Variants in PRKACB observed in about 807,000 individuals in gnomAD.
The protein encoded by PRKACB is protein kinase cAMP-activated catalytic subunit beta.
Under a neutral mutation model 51.4 loss-of-function variants are expected in PRKACB, and 16 were observed. The ratio of observed to expected loss-of-function variants is 0.31; its 90% CI spans 0.21 to 0.47. The LOEUF is 0.47. PRKACB is among the 20% of genes least tolerant of loss of function. The pLI is 1.00. For synonymous variants in PRKACB, 147 were observed against 154.4 expected (o/e 0.95, Z 0.35); for missense variants, 309 against 464.5 (o/e 0.67, Z 3.08).
At chr1:84,129,433 A>G (rs1651949940) in intron 1 of PRKACB, among the ~76,000 whole-genome samples, 1 of 152,152 alleles carries the variant, frequency 6.6e-6, no homozygotes, top group Admixed American at 6.5e-5. Flanking sequence ...TTGTATAAAA[A>G]TTACATTTTT....
intron 1 of PRKACB, among the ~76,000 whole-genome samples, chr1:84,157,653 A>C (rs1028809274): frequency 6.6e-6 from 1 of 152,122 alleles, no homozygotes; most frequent in African/African-American, 2.4e-5. Context: ...ATTATATAAT[A>C]TGTTATCTTT....
intron 1 of PRKACB, among the ~76,000 whole-genome samples, chr1:84,124,462 G>C (rs1651384133): frequency 6.6e-6 from 1 of 152,164 alleles, no homozygotes; most frequent in African/African-American, 2.4e-5. Context: ...GAGGTTTTCA[G>C]GTTATTATCT....
At chr1:84,164,284 C>G in intron 1 of PRKACB, 1 of 1,494,232 alleles carries the variant, frequency 6.7e-7, no homozygotes, top group Non-Finnish European at 9.0e-7. Flanking sequence ...AGATTCATCG[C>G]CAATAGTCAC....
At chr1:84,157,514 T>A (rs867785559) in intron 1 of PRKACB, 1 of 152,130 alleles carries the variant, frequency 6.6e-6, no homozygotes, top group Admixed American at 6.6e-5. Context: ...TTTAGAACAT[T>A]TAATCACCCA....
chr1:84,090,247 A>G (rs1407797479), intron 1 of PRKACB, among the ~76,000 whole-genome samples: 1 of 152,162 alleles, frequency 6.6e-6, no homozygotes, highest in Non-Finnish European at 1.5e-5. Context: ...GTCATATTTT[A>G]CAAGGAAAAT....
At chr1:84,202,187 C>T (rs915826369) in intron 7 of PRKACB, among the ~76,000 whole-genome samples, 1 of 152,058 alleles carries the variant, frequency 6.6e-6, no homozygotes, top group African/African-American at 2.4e-5. Flanking sequence ...CACATTCACC[C>T]TCCTAACTCC....
intron 4 of PRKACB, among the ~76,000 whole-genome samples, chr1:84,184,818 G>A (rs750114357): frequency 1.1e-4 from 17 of 151,404 alleles, no homozygotes; most frequent in Admixed American, 5.9e-4. Context: ...ATATTATAAC[G>A]TTACTTCATT....
chr1:84,183,597 A>G (rs1431714601), intron 3 of PRKACB, among the ~76,000 whole-genome samples: 1 of 151,794 alleles, frequency 6.6e-6, no homozygotes, highest in Non-Finnish European at 1.5e-5. Flanking sequence ...TACTTATTGC[A>G]GAGATTTGAG....
At chr1:84,089,845 T>C (rs1648312486) in intron 1 of PRKACB, among the ~76,000 whole-genome samples, 1 of 152,190 alleles carries the variant, frequency 6.6e-6, no homozygotes, top group Non-Finnish European at 1.5e-5. Flanking sequence ...ATTATGATCA[T>C]TCTTCATCAG....
At chr1:84,215,206 A>G (rs1419149333) in intron 9 of PRKACB, among the ~76,000 whole-genome samples, 2 of 136,650 alleles carry the variant, frequency 1.5e-5, no homozygotes, top group Admixed American at 7.2e-5. Flanking sequence ...TGAAGTTACT[A>G]CTTTTTTCCT....
At chr1:84,193,133 GA>G (rs985782252) in intron 5 of PRKACB, among the ~76,000 whole-genome samples, 85 of 152,218 alleles carry the variant, frequency 5.6e-4, no homozygotes, top group African/African-American at 1.9e-3. Context: ...GGAGGCAAAA[GA>G]CGCCTCTCAA....
At position 84,225,467 on chromosome 1, in the gene PRKACB, C is replaced by T. The variant is rs375771350; in HGVS notation, c.1072-9713C>T. ...TGGGCTCGAGTGCTGGGGACCCAGC[C>T]GCACCATTGGGTCCAGCCAGCACTG... On this transcript the variant is annotated intron_variant, in intron 9 of 9. Transcript: ENST00000370685. Among the ~76,000 whole-genome samples, 86 of 152,148 alleles carry T rather than the reference C, an allele frequency of 5.7e-4. 1 individual carries two copies. The South Asian group carries it at 0.017, about 29-fold the overall frequency.
At chr1:84,128,790 T>C (rs1651889998) in intron 1 of PRKACB, among the ~76,000 whole-genome samples, 1 of 152,200 alleles carries the variant, frequency 6.6e-6, no homozygotes, top group Non-Finnish European at 1.5e-5. Context: ...GTCAGCATTA[T>C]GTGTGTTCCT....
chr1:84,190,896 A>T (rs1666579228), intron 5 of PRKACB, among the ~76,000 whole-genome samples: 1 of 151,922 alleles, frequency 6.6e-6, no homozygotes, highest in South Asian at 2.1e-4. Flanking sequence ...TTCTTTCTCC[A>T]TCCCTTTACT....
intron 9 of PRKACB, among the ~76,000 whole-genome samples, chr1:84,223,201 A>T (rs1674005196): frequency 6.6e-6 from 1 of 151,978 alleles, no homozygotes; most frequent in Non-Finnish European, 1.5e-5. Context: ...TTTGTTCATT[A>T]ATTTTTATTT....
intron 9 of PRKACB, among the ~76,000 whole-genome samples, chr1:84,223,025 G>C (rs624878): frequency 0.95 from 145,036 of 152,212 alleles, 69,510 homozygotes; most frequent in East Asian, 1. Flanking sequence ...TTTGATGTTT[G>C]AGCTTCCTGT....
intron 1 of PRKACB, among the ~76,000 whole-genome samples, chr1:84,124,997 A>G (rs905549058): frequency 6.6e-5 from 10 of 152,156 alleles, no homozygotes; most frequent in African/African-American, 2.4e-4. Flanking sequence ...ACCTTATTAC[A>G]TTTAAGTCTT....
intron 1 of PRKACB, among the ~76,000 whole-genome samples, chr1:84,115,710 CTT>C (rs1650577439): frequency 6.6e-6 from 1 of 151,622 alleles, no homozygotes; most frequent in African/African-American, 2.4e-5. Context: ...TGGAGAAACC[CTT>C]TCTCTACTAA....
chr1:84,225,459 G>T (rs2101651878), intron 9 of PRKACB, among the ~76,000 whole-genome samples: 1 of 152,198 alleles, frequency 6.6e-6, no homozygotes, highest in South Asian at 2.1e-4. Flanking sequence ...GAGTGCTGGG[G>T]ACCCAGCCGC....
Sources: allele counts gnomAD v4.1 joint callset (sites outside exome capture counted in the v4.1 genomes callset), GRCh38; gene constraint gnomAD v4.1.1; transcripts MANE v1.5; gene names NCBI Gene and HGNC (gene_info 2026-07-23, HGNC 2026-07-21).